LTBP3: variants seen among roughly 807,000 people sequenced by gnomAD.
LTBP3 encodes the protein latent-transforming growth factor beta-binding protein 3.
LTBP3 carries 97 observed loss-of-function variants against 159.7 expected under a neutral mutation model. That is an observed-to-expected ratio of 0.61 (90% CI 0.52 to 0.72). LTBP3 has a LOEUF of 0.72. LTBP3 is among the 30% of genes least tolerant of loss of function. LTBP3 has a pLI of 0.00. For missense variants in LTBP3, 1,584 were observed against 1,864.3 expected (o/e 0.85, Z 2.77); for synonymous variants, 824 against 777.1 (o/e 1.06, Z -1.00).
Position 65,553,361 on chromosome 11 carries a change from G to T in LTBP3, c.970+64C>A. On this transcript the variant is annotated intron_variant, in intron 4 of 27. Coordinates refer to ENST00000301873, the MANE Select transcript of LTBP3 (RefSeq NM_001130144.3). The surrounding 1 kb of genome is among the most constrained non-coding windows in gnomAD (Gnocchi z 6.5). Reference sequence around the variant, plus strand: ...GTGACCTGGGGACTCCCACTGCAGGGATGGGTGGGGTGGGTGGGGAGGGGC... The same window carrying T: ...GTGACCTGGGGACTCCCACTGCAGGTATGGGTGGGGTGGGTGGGGAGGGGC... 1.6e-6 allele frequency: 2 copies of T among 1,279,158 alleles called. No homozygotes were observed. The highest frequency in any genetic ancestry group is 2.2e-6 in the Non-Finnish European group (2 of 890,354). The allele number at this position is 1,279,158 out of a possible 1,614,324, so 79.2% of individuals were successfully genotyped here. A position where few individuals can be genotyped will look rare whatever the true frequency, so the allele number is the denominator to read the frequency against.
At position 65,557,977 on chromosome 11, in the gene LTBP3, G is replaced by A. The variant is rs1482630300; in HGVS notation, c.-18C>T. On this transcript the variant is annotated 5_prime_UTR_variant, in exon 1 of 28. Transcript: ENST00000301873. ...CCGGGCATCCGGGGCCGCAGGACCC[G>A]GGGGAGGGGGGGCGCGCCCGGGCGG... 1.8e-6 allele frequency: 2 copies of A among 1,132,802 alleles called. No homozygotes were observed. Among genetic ancestry groups the A allele is most frequent in the Admixed American group, 5.0e-5 (1 of 20,194 alleles). 70.2% of individuals were successfully genotyped at this position (1,132,802 alleles called of 1,614,324 possible).
chr11:65,547,769 C>T lies in LTBP3; in HGVS notation c.1899G>A (p.Met633Ile), dbSNP rs1012901358. The change falls in exon 13 of 28, where the codon ATG (methionine) becomes ATA (isoleucine). Residue 633 changes from methionine to isoleucine, a missense_variant. Physicochemically the swap from Met to Ile is conservative, Grantham distance 10 (BLOSUM62 1). Around this residue, in one of 6 missense-constraint regions of LTBP3, gnomAD observed 565 missense variants for 677.7 expected, o/e 0.83. Transcript: ENST00000301873. The surrounding 1 kb of genome is among the most constrained non-coding windows in gnomAD (Gnocchi z 4.6). ...EPCGPGRGIC[M>I]NTGGSYNCHC... ...GGCAATTGTAGGAGCCGCCGGTGTT[C>T]ATGCAGATGCCCCTCCCCGGGCCAC... 6.2e-7 allele frequency: 1 copy of T among 1,612,190 alleles called. No homozygotes were observed. Among genetic ancestry groups the T allele is most frequent in the Non-Finnish European group, 8.5e-7 (1 of 1,179,440 alleles).
chr11:65,546,641 T>C lies in LTBP3; in HGVS notation c.2231-77A>G. The C allele has an allele frequency of 6.3e-7, 1 of 1,588,264 alleles. No homozygotes were observed. On this transcript the variant is annotated intron_variant, in intron 15 of 27. Coordinates refer to ENST00000301873, the MANE Select transcript of LTBP3 (RefSeq NM_001130144.3). This position sits in a 1 kb window ranked among gnomAD's most constrained non-coding sequence, Gnocchi z 4.0. ...CGCACCTCGCGGGGGTGTGGGTCTC[T>C]TCCCTGGAACGCGGGGTTGAGAGGG...
At position 65,552,741 on chromosome 11, in the gene LTBP3, C is replaced by T; in HGVS notation, c.1186+119G>A. ...CCCTGCTGATCCCTGATCCTATTGG[C>T]TCTGGGCCTTGTTCCTCCTGCAGTC... On this transcript the variant is annotated intron_variant, in intron 6 of 27. Coordinates refer to ENST00000301873, the MANE Select transcript of LTBP3 (RefSeq NM_001130144.3). This position sits in a 1 kb window ranked among gnomAD's most constrained non-coding sequence, Gnocchi z 6.0. The T allele has an allele frequency of 6.9e-7, 1 of 1,440,452 alleles. No individual in the cohort carries two copies. Among genetic ancestry groups the T allele is most frequent in the East Asian group, 2.3e-5 (1 of 43,430 alleles). The allele number at this position is 1,440,452 out of a possible 1,614,324, so 89.2% of individuals were successfully genotyped here. A position where few individuals can be genotyped will look rare whatever the true frequency, so the allele number is the denominator to read the frequency against.
intron 18 of LTBP3, chr11:65,542,420 ACT>A (rs1187757580): frequency 1.6e-5 from 2 of 121,482 alleles, no homozygotes; most frequent in Non-Finnish European, 3.2e-5. Context: ...ATGGAATCTC[ACT>A]CTCTGCCCAG....
chr11:65,543,802 C>T lies in LTBP3; in HGVS notation c.2354-253G>A, dbSNP rs956996220. ...CCGCCCTCTCTCCCTGCCCCAGCCG[C>T]TTTCACTGCTGCTCCCACCCTTCCC... is the stretch of plus-strand genomic sequence containing the variant. On this transcript the variant is annotated intron_variant, in intron 16 of 27. Coordinates refer to ENST00000301873, the MANE Select transcript of LTBP3 (RefSeq NM_001130144.3). The T allele has an allele frequency of 2.1e-5, 11 of 535,588 alleles. No homozygotes were observed. In the East Asian group the frequency reaches 3.6e-4, roughly 18 times the overall value. The allele number at this position is 535,588 out of a possible 1,614,324, so 33.2% of individuals were successfully genotyped here.
chr11:65,545,377 G>T (rs1856319688), intron 16 of LTBP3: 1 of 225,400 alleles, frequency 4.4e-6, no homozygotes. Context: ...TTCCAGGTGG[G>T]TATGCTGGCA....
rs1326734576 is a variant in LTBP3 at position 65,551,398 on chromosome 11, T to G, written c.1621+4A>C. Reference sequence around the variant, plus strand: ...AGGACTCATCCCTACAGTGCCCAGCTCACCGGGGTAGGGCCGGGCAGGAGT... The same window carrying G: ...AGGACTCATCCCTACAGTGCCCAGCGCACCGGGGTAGGGCCGGGCAGGAGT... On this transcript the variant is annotated splice_donor_region_variant and intron_variant, in intron 10 of 27. Transcript: ENST00000301873. 1.5e-5 allele frequency: 24 copies of G among 1,612,618 alleles called. No individual in the cohort carries two copies. The highest frequency in any genetic ancestry group is 1.9e-5 in the Non-Finnish European group (23 of 1,179,944).
At position 65,554,643 on chromosome 11, in the gene LTBP3, C is replaced by T. The variant is rs1259920732; in HGVS notation, c.332-263G>A. Among the ~76,000 whole-genome samples the T allele has an allele frequency of 6.6e-6, 1 of 152,086 alleles. No homozygotes were observed. Among genetic ancestry groups the T allele is most frequent in the African/African-American group, 2.4e-5 (1 of 41,388 alleles). On this transcript the variant is annotated intron_variant, in intron 1 of 27. Transcript: ENST00000301873. The surrounding 1 kb of genome is among the most constrained non-coding windows in gnomAD (Gnocchi z 5.3). ...CAACTCACGTCCCCTCCCTGTGCCC[C>T]AGCGTCCTCATCTGTAGAGATGTGT...
rs1377701238 is a variant in LTBP3, at chr11:65,538,632, A to C, written c.*448T>G. The C allele has an allele frequency of 1.3e-6, 2 of 1,535,058 alleles. No homozygotes were observed. The highest frequency in any genetic ancestry group is 2.7e-5 in the African/African-American group (2 of 73,232). On this transcript the variant is annotated 3_prime_UTR_variant, in exon 28 of 28. Coordinates refer to ENST00000301873, the MANE Select transcript of LTBP3 (RefSeq NM_001130144.3). ...CACAGATGTATTTATTGTACAAACCATGTGAGCCCGGCCGGCCCAGCCAGG... is the reference window on the plus strand; with the variant it reads ...CACAGATGTATTTATTGTACAAACCCTGTGAGCCCGGCCGGCCCAGCCAGG...
intron 20 of LTBP3, 38 bp downstream of exon 20, chr11:65,541,088 A>C (rs1196293445): frequency 1.2e-6 from 2 of 1,601,180 alleles, no homozygotes; most frequent in South Asian, 2.2e-5. Flanking sequence ...CAGATGAAGA[A>C]ACTGAAGATC....
chr11:65,541,879 A>C, intron 18 of LTBP3, 151 bp from the exon 19 acceptor site: 1 of 850,148 alleles, frequency 1.2e-6, no homozygotes, highest in East Asian at 2.7e-5. Flanking sequence ...CATGTGTCTG[A>C]ATGTGCATGT....
Position 65,548,035 on chromosome 11 carries a change from CTCA to C in LTBP3, c.1728_1730del (p.Asp576del), listed in dbSNP as rs747024941. On this transcript the variant is annotated inframe_deletion, in exon 12 of 28. Coordinates refer to ENST00000301873, the MANE Select transcript of LTBP3 (RefSeq NM_001130144.3). ...CACAGATGTTCTGGTTCAGTCGGCA[CTCA>C]TCAGTCTCTGCGGGCATGGCCAGGT... The C allele has an allele frequency of 6.2e-6, 10 of 1,613,784 alleles. No individual in the cohort carries two copies. The highest frequency in any genetic ancestry group is 8.5e-6 in the Non-Finnish European group (10 of 1,179,998).
In LTBP3 at chr11:65,547,884, A is replaced by G. The variant is rs1394778239; in HGVS notation, c.1846+36T>C. 2 of 1,612,880 alleles carry G rather than the reference A, an allele frequency of 1.2e-6. No individual in the cohort carries two copies. The highest frequency in any genetic ancestry group is 1.7e-6 in the Non-Finnish European group (2 of 1,179,862). ...GCGTCGTTATCTGGGGTCCCCCCCC[A>G]CCCACCTGCATGCCCGCCGCCTGCC... On this transcript the variant is annotated intron_variant, in intron 12 of 27. Transcript: ENST00000301873. The surrounding 1 kb of genome is among the most constrained non-coding windows in gnomAD (Gnocchi z 4.6).
intron 16 of LTBP3, 156 bp from the exon 17 acceptor site, chr11:65,543,705 C>T (rs1856252173): frequency 1.0e-6 from 1 of 964,072 alleles, no homozygotes; most frequent in Non-Finnish European, 1.6e-6. Flanking sequence ...CACACAGTGC[C>T]CTGACGACCA....
rs759289829 is a variant in LTBP3, at chr11:65,541,115, C to G, written c.2893+11G>C. ...CTGAAGATCTGGGAAGGGGCCTGCCCGGCTCCTGACCTGAGCTGTAGACTG... is the reference window on the plus strand; with the variant it reads ...CTGAAGATCTGGGAAGGGGCCTGCCGGGCTCCTGACCTGAGCTGTAGACTG... On this transcript the variant is annotated intron_variant, in intron 20 of 27. Transcript: ENST00000301873. The G allele has an allele frequency of 6.2e-7, 1 of 1,611,082 alleles. No individual in the cohort carries two copies. The highest frequency in any genetic ancestry group is 1.3e-5 in the African/African-American group (1 of 75,012).
In LTBP3 at chr11:65,541,123, G is replaced by A; in HGVS notation, c.2893+3C>T. ...CTGGGAAGGGGCCTGCCCGGCTCCT[G>A]ACCTGAGCTGTAGACTGGGCAGGGG... On this transcript the variant is annotated splice_donor_region_variant and intron_variant, in intron 20 of 27. Coordinates refer to ENST00000301873, the MANE Select transcript of LTBP3 (RefSeq NM_001130144.3). The A allele has an allele frequency of 6.2e-7, 1 of 1,612,554 alleles. No homozygotes were observed.
intron 20 of LTBP3, 74 bp from the exon 21 acceptor site, chr11:65,541,028 G>T: frequency 6.3e-7 from 1 of 1,579,852 alleles, no homozygotes; most frequent in Admixed American, 1.8e-5. Context: ...GCTGCAGCCC[G>T]CCGCCTATTT....
At position 65,553,061 on chromosome 11, in the gene LTBP3, TG is replaced by T. The variant is rs1463291657; in HGVS notation, c.1064-80del. On this transcript the variant is annotated intron_variant, in intron 5 of 27. Coordinates refer to ENST00000301873, the MANE Select transcript of LTBP3 (RefSeq NM_001130144.3). The surrounding 1 kb of genome is among the most constrained non-coding windows in gnomAD (Gnocchi z 6.5). ...GGCTGCTCCAAGAACCTCAGGGTCT[TG>T]CCCCAGCCCCACCTCCTCTCTCGCC... is the stretch of plus-strand genomic sequence containing the variant. The T allele has an allele frequency of 6.2e-7, 1 of 1,609,932 alleles. No individual in the cohort carries two copies. The highest frequency in any genetic ancestry group is 1.3e-5 in the African/African-American group (1 of 74,812).
Sources: allele counts gnomAD v4.1 joint callset (sites outside exome capture counted in the v4.1 genomes callset), GRCh38; gene constraint gnomAD v4.1.1; regional missense constraint gnomAD v4.1.1; non-coding constraint Gnocchi (gnomAD v3.1); transcripts MANE v1.5; gene names NCBI Gene and HGNC (gene_info 2026-07-23, HGNC 2026-07-21).